SPOCK1: variants seen among roughly 807,000 people sequenced by gnomAD.
The protein encoded by SPOCK1 is testican-1.
In SPOCK1, 23 loss-of-function variants were observed where a neutral mutation model predicts 55.3. That is an observed-to-expected ratio of 0.42 (90% confidence interval 0.30 to 0.59). SPOCK1 has a LOEUF of 0.59. SPOCK1 is among the 20% of genes least tolerant of loss of function. SPOCK1 has a pLI of 0.22. For missense variants in SPOCK1, 499 were observed against 552.5 expected (o/e 0.90, Z 0.97); for synonymous variants, 226 against 221.0 (o/e 1.02, Z -0.20).
chr5:137,301,337 C>T (rs1561497673), intron 2 of SPOCK1, among the ~76,000 whole-genome samples: 1 of 152,180 alleles, frequency 6.6e-6, no homozygotes, highest in Non-Finnish European at 1.5e-5. Context: ...AGCAGCTTAC[C>T]AACTGAGAGG....
At chr5:137,355,687 A>C (rs1405304319) in intron 2 of SPOCK1, among the ~76,000 whole-genome samples, 3 of 152,172 alleles carry the variant, frequency 2.0e-5, no homozygotes, top group African/African-American at 7.2e-5. Context: ...CTCAGTTTGC[A>C]TCAAGGACCT....
intron 2 of SPOCK1, among the ~76,000 whole-genome samples, chr5:137,330,043 C>T (rs1758142375): frequency 6.6e-6 from 1 of 152,180 alleles, no homozygotes; most frequent in African/African-American, 2.4e-5. Context: ...TGAGACCTCA[C>T]TCTGCTCTGC....
intron 3 of SPOCK1, among the ~76,000 whole-genome samples, chr5:137,219,862 G>A (rs1274419903): frequency 6.6e-6 from 1 of 152,154 alleles, no homozygotes; most frequent in Non-Finnish European, 1.5e-5. Flanking sequence ...GGCCTCCATG[G>A]TGTCTTTTAG....
At chr5:137,040,040 A>C (rs573251730) in intron 6 of SPOCK1, among the ~76,000 whole-genome samples, 1 of 152,258 alleles carries the variant, frequency 6.6e-6, no homozygotes, top group East Asian at 1.9e-4. Context: ...CGGAGCTGTC[A>C]TGCACAGCCA....
rs116999995 is a variant in SPOCK1 at position 137,296,253 on chromosome 5, G to A, written c.187-29198C>T. ...CCCAACATATGGTATTGTTGTTACC[G>A]TGGCCTGAACAGACTAAGTCAGAAG... On this transcript the variant is annotated intron_variant, in intron 2 of 10. Coordinates refer to ENST00000394945, the MANE Select transcript of SPOCK1 (RefSeq NM_004598.4). Among the ~76,000 whole-genome samples, 34 of 152,234 alleles carry A rather than the reference G, an allele frequency of 2.2e-4. No individual in the cohort carries two copies. The East Asian group carries it at 3.5e-3, about 16-fold the overall frequency.
intron 3 of SPOCK1, among the ~76,000 whole-genome samples, chr5:137,167,200 A>T (rs1347619750): frequency 6.6e-6 from 1 of 152,122 alleles, no homozygotes; most frequent in Non-Finnish European, 1.5e-5. Context: ...TTTTTAAGAT[A>T]AAAACTATAA....
At chr5:137,232,972 G>A (rs1756095678) in intron 3 of SPOCK1, among the ~76,000 whole-genome samples, 1 of 152,160 alleles carries the variant, frequency 6.6e-6, no homozygotes, top group Admixed American at 6.5e-5. Flanking sequence ...CAGGCTACAT[G>A]GAACATACTG....
At position 137,003,108 on chromosome 5, in the gene SPOCK1, T is replaced by TA. The variant is rs759413506; in HGVS notation, c.590-10509dup. Among the ~76,000 whole-genome samples, 9 of 152,328 alleles carry TA rather than the reference T, an allele frequency of 5.9e-5. No homozygotes were observed. In the East Asian group the frequency reaches 1.4e-3, roughly 23 times the overall value. ...ACCATTTCTAAATCATAAATGTATATAAAATCATAAGTTGGGGCCAGGTGC... is the reference window on the plus strand; with the variant it reads ...ACCATTTCTAAATCATAAATGTATATAAAAATCATAAGTTGGGGCCAGGTGC... On this transcript the variant is annotated intron_variant, in intron 6 of 10. Transcript: ENST00000394945.
intron 3 of SPOCK1, among the ~76,000 whole-genome samples, chr5:137,242,775 A>C (rs191790710): frequency 3.3e-5 from 5 of 152,340 alleles, no homozygotes; most frequent in African/African-American, 1.2e-4. Context: ...GTAGAAGAAT[A>C]AAAAAGTTAA....
At chr5:137,298,877 T>C (rs986991059) in intron 2 of SPOCK1, among the ~76,000 whole-genome samples, 8 of 152,120 alleles carry the variant, frequency 5.3e-5, no homozygotes, top group African/African-American at 1.7e-4. Context: ...CCTACCCATT[T>C]CTCTATATTT....
chr5:137,060,398 T>C (rs1185934803), intron 6 of SPOCK1, among the ~76,000 whole-genome samples: 1 of 151,986 alleles, frequency 6.6e-6, no homozygotes, highest in Non-Finnish European at 1.5e-5. Context: ...AGCTAAACAC[T>C]GAGTATACAT....
At chr5:137,483,373 T>C (rs931036257) in intron 2 of SPOCK1, among the ~76,000 whole-genome samples, 1 of 152,138 alleles carries the variant, frequency 6.6e-6, no homozygotes, top group Non-Finnish European at 1.5e-5. Flanking sequence ...TTTGTTCAGT[T>C]AGCCCTCCCT....
chr5:137,489,557 T>A (rs1395303433), intron 2 of SPOCK1, among the ~76,000 whole-genome samples: 1 of 152,004 alleles, frequency 6.6e-6, no homozygotes, highest in Middle Eastern at 3.2e-3. Context: ...ACAATAGAGA[T>A]GGCTGCAGAA....
At chr5:137,312,511 G>GT (rs902953501) in intron 2 of SPOCK1, among the ~76,000 whole-genome samples, 9 of 151,954 alleles carry the variant, frequency 5.9e-5, no homozygotes, top group East Asian at 1.9e-4. Context: ...AATTTTGGTT[G>GT]TTTTTTTTAA....
intron 6 of SPOCK1, among the ~76,000 whole-genome samples, chr5:137,063,165 G>A (rs999934705): frequency 1.8e-4 from 27 of 149,340 alleles, no homozygotes; most frequent in Admixed American, 3.3e-4. Flanking sequence ...CCCGGGAAGC[G>A]GAGCTTGCAG....
intron 2 of SPOCK1, among the ~76,000 whole-genome samples, chr5:137,430,177 G>C (rs746119197): frequency 6.6e-5 from 10 of 152,240 alleles, no homozygotes; most frequent in Non-Finnish European, 1.2e-4. Context: ...CCACATGGCA[G>C]GTGATCCATC....
intron 5 of SPOCK1, among the ~76,000 whole-genome samples, chr5:137,074,721 T>C (rs1412777925): frequency 7.1e-6 from 1 of 139,936 alleles, no homozygotes; most frequent in African/African-American, 2.5e-5. Context: ...GTTGTTGTTG[T>C]TGAGATGGAG....
intron 2 of SPOCK1, among the ~76,000 whole-genome samples, chr5:137,270,160 G>T (rs555606865): frequency 2.0e-5 from 3 of 152,248 alleles, no homozygotes; most frequent in Non-Finnish European, 4.4e-5. Context: ...GCCCAATAAA[G>T]TTATGGCTTG....
chr5:137,425,495 G>A (rs1752588787), intron 2 of SPOCK1, among the ~76,000 whole-genome samples: 3 of 151,664 alleles, frequency 2.0e-5, no homozygotes, highest in Admixed American at 6.6e-5. Context: ...ATTTTCTGAA[G>A]CAAATGACAA....
Sources: allele counts gnomAD v4.1 joint callset (sites outside exome capture counted in the v4.1 genomes callset), GRCh38; gene constraint gnomAD v4.1.1; transcripts MANE v1.5; gene names NCBI Gene and HGNC (gene_info 2026-07-23, HGNC 2026-07-21).